Variants in SETD3 observed in about 807,000 individuals in gnomAD.
SETD3 encodes the protein SET domain containing 3, actin N3(tau)-histidine methyltransferase, also known as actin-histidine N-methyltransferase.
A neutral mutation model predicts 63.0 loss-of-function variants in SETD3; 19 were observed. The observed-to-expected ratio is 0.30, with a 90% CI of 0.21 to 0.44. The LOEUF (loss-of-function observed/expected upper bound fraction) is 0.44. SETD3 is among the 20% of genes least tolerant of loss of function. SETD3 has a pLI of 1.00. For missense variants in SETD3, 587 were observed against 728.5 expected (o/e 0.81, Z 2.24); for synonymous variants, 286 against 264.1 (o/e 1.08, Z -0.80).
At chr14:99,436,679 G>T (rs924501508) in intron 6 of SETD3, among the ~76,000 whole-genome samples, 4 of 152,158 alleles carry the variant, frequency 2.6e-5, no homozygotes, top group African/African-American at 9.7e-5. Context: ...CTTCTCGGCA[G>T]CCTCTCCAGG....
At position 99,465,607 on chromosome 14, in the gene SETD3, C is replaced by T; in HGVS notation, c.103+96G>A. 1.0e-5 allele frequency: 10 copies of T among 970,982 alleles called. No homozygotes were observed. The South Asian group carries it at 1.5e-4, about 15-fold the overall frequency. The allele number at this position is 970,982 out of a possible 1,614,324, so 60.1% of individuals were successfully genotyped here. On this transcript the variant is annotated intron_variant, in intron 2 of 12. Transcript: ENST00000331768. ...CAGCTAATAAGCTTGGACCTGAATA[C>T]CAGCTTGTCTGATGCACGCGTCCCC...
chr14:99,449,402 C>A (rs1396822692), intron 6 of SETD3, among the ~76,000 whole-genome samples: 1 of 152,088 alleles, frequency 6.6e-6, no homozygotes, highest in Non-Finnish European at 1.5e-5. Flanking sequence ...ATGGAAAAAC[C>A]AAAAAGACAT....
At chr14:99,415,075 T>C (rs1892218737) in intron 6 of SETD3, among the ~76,000 whole-genome samples, 1 of 152,234 alleles carries the variant, frequency 6.6e-6, no homozygotes, top group Non-Finnish European at 1.5e-5. Context: ...AGGCAAATTA[T>C]GTATTACAAA....
chr14:99,429,036 T>C (rs1166702922), intron 6 of SETD3, among the ~76,000 whole-genome samples: 3 of 152,142 alleles, frequency 2.0e-5, no homozygotes, highest in African/African-American at 7.2e-5. Context: ...CTTCTGGGTG[T>C]ACTTCTCAAA....
At chr14:99,412,522 CAG>C (rs1315168892) in intron 8 of SETD3, 5 of 155,984 alleles carry the variant, frequency 3.2e-5, no homozygotes, top group East Asian at 3.8e-4. Context: ...GAACTGGAAA[CAG>C]AGTGTCAGCA....
At chr14:99,421,129 C>G (rs1044422960) in intron 6 of SETD3, among the ~76,000 whole-genome samples, 1 of 137,986 alleles carries the variant, frequency 7.2e-6, no homozygotes, top group South Asian at 2.6e-4. Flanking sequence ...AAGCCTCATT[C>G]TCTGGTCTGC....
At chr14:99,410,335 C>G (rs1891918417) in intron 8 of SETD3, 1 of 1,378,746 alleles carries the variant, frequency 7.3e-7, no homozygotes, top group Non-Finnish European at 1.0e-6. Flanking sequence ...GACTGTAAGA[C>G]TCATCTAAAT....
chr14:99,461,434 A>C (rs1444296762), intron 3 of SETD3, 94 bp from the exon 4 acceptor site: 2 of 1,274,514 alleles, frequency 1.6e-6, no homozygotes, highest in Non-Finnish European at 2.2e-6. Context: ...CATAACTAAC[A>C]CTGGAAATAG....
chr14:99,400,866 G>T (rs1042293752), intron 11 of SETD3, among the ~76,000 whole-genome samples: 1 of 152,194 alleles, frequency 6.6e-6, no homozygotes, highest in Non-Finnish European at 1.5e-5. Context: ...TGGGCCGGGC[G>T]CAGTGGCTCA....
At chr14:99,458,951 T>G (rs1394775339) in intron 5 of SETD3, among the ~76,000 whole-genome samples, 162 bp downstream of exon 5, 1 of 151,864 alleles carries the variant, frequency 6.6e-6, no homozygotes, top group East Asian at 1.9e-4. Flanking sequence ...AAAGGTCATG[T>G]GCATCTTTTT....
At chr14:99,473,697 G>A (rs998509401) in intron 1 of SETD3, among the ~76,000 whole-genome samples, 2 of 152,130 alleles carry the variant, frequency 1.3e-5, no homozygotes, top group African/African-American at 4.8e-5. Flanking sequence ...CATGTAGGAA[G>A]AATAGGAAAT....
Position 99,461,306 on chromosome 14 carries a change from ATCT to A in SETD3, c.228_230del (p.Glu76del), listed in dbSNP as rs1566728442. 4 of 1,614,134 alleles carry A rather than the reference ATCT, an allele frequency of 2.5e-6. No homozygotes were observed. Among genetic ancestry groups the A allele is most frequent in the Non-Finnish European group, 3.4e-6 (4 of 1,180,034 alleles). On this transcript the variant is annotated inframe_deletion, in exon 4 of 13. Coordinates refer to ENST00000331768, the MANE Select transcript of SETD3 (RefSeq NM_032233.3). ...CCCATTTCATTAGATCAGGAAAGTA[ATCT>A]TCTCTTTTTCCATCAAAAGTAACGG...
chr14:99,425,868 C>T (rs1892853626), intron 6 of SETD3, among the ~76,000 whole-genome samples: 1 of 152,174 alleles, frequency 6.6e-6, no homozygotes, highest in South Asian at 2.1e-4. Context: ...GTGACATTTT[C>T]CAACATAGGT....
At chr14:99,430,671 G>A (rs559062512) in intron 6 of SETD3, among the ~76,000 whole-genome samples, 3 of 152,158 alleles carry the variant, frequency 2.0e-5, no homozygotes, top group East Asian at 1.9e-4. Context: ...CTCACGTGGC[G>A]CCACTGAGGA....
intron 6 of SETD3, among the ~76,000 whole-genome samples, chr14:99,436,940 G>C (rs1193353494): frequency 1.3e-5 from 2 of 152,170 alleles, no homozygotes; most frequent in Non-Finnish European, 2.9e-5. Context: ...TAGGTGAGCA[G>C]AAGGTCTCAA....
At chr14:99,423,070 CAA>C (rs1339972206) in intron 6 of SETD3, among the ~76,000 whole-genome samples, 1 of 152,132 alleles carries the variant, frequency 6.6e-6, no homozygotes, top group African/African-American at 2.4e-5. Flanking sequence ...AGGTACCAAT[CAA>C]AGAGAAAATC....
At chr14:99,425,223 A>AC (rs1892816872) in intron 6 of SETD3, among the ~76,000 whole-genome samples, 1 of 152,224 alleles carries the variant, frequency 6.6e-6, no homozygotes, top group Non-Finnish European at 1.5e-5. Context: ...AAGGAGTCCT[A>AC]CCCTCTACAA....
intron 6 of SETD3, among the ~76,000 whole-genome samples, chr14:99,419,099 T>A (rs796799911): frequency 7.2e-5 from 11 of 152,308 alleles, no homozygotes; most frequent in African/African-American, 2.6e-4. Context: ...TGTTCAGCTC[T>A]TGAGGGAAAA....
chr14:99,427,781 G>A (rs1892964184), intron 6 of SETD3, among the ~76,000 whole-genome samples: 1 of 152,214 alleles, frequency 6.6e-6, no homozygotes, highest in South Asian at 2.1e-4. Context: ...GGAGCAGGGA[G>A]CCCAGACAGG....
Sources: gnomAD v4.1 joint callset for allele counts (sites outside exome capture counted in the v4.1 genomes callset) on GRCh38, gnomAD v4.1.1 for gene constraint, MANE v1.5 for transcripts, NCBI Gene and HGNC (gene_info 2026-07-23, HGNC 2026-07-21) for gene names.